NCOA3: variants seen among roughly 807,000 people sequenced by gnomAD.
NCOA3 encodes CBP-interacting protein.
Under a neutral mutation model 158.8 loss-of-function variants are expected in NCOA3, and 51 were observed. The observed-to-expected ratio is 0.32, with a 90% CI of 0.26 to 0.41. The LOEUF is 0.41. Ranked by LOEUF, NCOA3 falls within the 10% of genes least tolerant of loss-of-function variation. The pLI, the probability that NCOA3 is intolerant of heterozygous loss-of-function variation, is 1.00. For synonymous variants in NCOA3, 537 were observed against 592.4 expected, an observed-to-expected ratio of 0.91 and a Z score of 1.36; for missense variants, 1,510 against 1,746.6, an observed-to-expected ratio of 0.86 and a Z score of 2.41.
intron 20 of NCOA3, 90 bp from the exon 21 acceptor site, chr20:47,652,316 T>TA: frequency 1.6e-6 from 2 of 1,248,176 alleles, no homozygotes; most frequent in Admixed American, 2.3e-5. Flanking sequence ...CCCACCTCCT[T>TA]TAAAAAAAAA....
chr20:47,551,938 TG>T (rs1202268709), intron 1 of NCOA3, among the ~76,000 whole-genome samples: 2 of 152,230 alleles, frequency 1.3e-5, no homozygotes, highest in African/African-American at 2.4e-5. Context: ...ATTTTACTGT[TG>T]TTTTTTGGGC....
intron 21 of NCOA3, 118 bp from the exon 22 acceptor site, chr20:47,652,813 T>G (rs1160675742): frequency 2.4e-6 from 3 of 1,252,986 alleles, no homozygotes; most frequent in Non-Finnish European, 3.4e-6. Context: ...GGGAGTTTTC[T>G]CTAACATTCC....
At chr20:47,566,175 G>T (rs1374348657) in intron 1 of NCOA3, among the ~76,000 whole-genome samples, 3 of 151,872 alleles carry the variant, frequency 2.0e-5, no homozygotes, top group Non-Finnish European at 4.4e-5. Flanking sequence ...CACCTGCCTC[G>T]GCCTCCCAAA....
At chr20:47,514,184 T>G (rs1209197717) in intron 1 of NCOA3, among the ~76,000 whole-genome samples, 1 of 151,714 alleles carries the variant, frequency 6.6e-6, no homozygotes, top group Non-Finnish European at 1.5e-5. Context: ...TCAGAAGATT[T>G]TATTTTTTTA....
At position 47,653,396 on chromosome 20, in the gene NCOA3, T is replaced by G; in HGVS notation, c.4264-10T>G. 10 of 1,561,204 alleles carry G rather than the reference T, an allele frequency of 6.4e-6. No individual in the cohort carries two copies. Among genetic ancestry groups the G allele is most frequent in the Non-Finnish European group, 8.7e-6 (10 of 1,146,586 alleles). On this transcript the variant is annotated splice_polypyrimidine_tract_variant and intron_variant, in intron 22 of 22. Coordinates refer to ENST00000371998, the MANE Select transcript of NCOA3 (RefSeq NM_181659.3). ...TTTTTTTTTTTTTTTTTTTTCCTGG[T>G]TGCTGACAGAAATACTGCTGACATC...
intron 1 of NCOA3, among the ~76,000 whole-genome samples, chr20:47,579,596 A>G (rs1336775080): frequency 1.3e-5 from 2 of 152,242 alleles, no homozygotes; most frequent in Non-Finnish European, 2.9e-5. Flanking sequence ...CCTGGTATAT[A>G]GTAGTACTCC....
At position 47,651,289 on chromosome 20, in the gene NCOA3, A is replaced by G. The variant is rs1354922164; in HGVS notation, c.3946+13A>G. 1.9e-6 allele frequency: 3 copies of G among 1,590,662 alleles called. No homozygotes were observed. The highest frequency in any genetic ancestry group is 2.2e-5 in the East Asian group (1 of 44,492). Reference sequence around the variant, plus strand: ...CAACCAAATTATGGTAAATCTGACAATGAAAATGTGCCTTCCCCAAGTTAA... The same window carrying G: ...CAACCAAATTATGGTAAATCTGACAGTGAAAATGTGCCTTCCCCAAGTTAA... On this transcript the variant is annotated intron_variant, in intron 20 of 22. Coordinates refer to ENST00000371998, the MANE Select transcript of NCOA3 (RefSeq NM_181659.3).
At chr20:47,629,973 T>C (rs1183478349) in intron 8 of NCOA3, among the ~76,000 whole-genome samples, 1 of 152,218 alleles carries the variant, frequency 6.6e-6, no homozygotes, top group Non-Finnish European at 1.5e-5. Context: ...AAAGATCAAA[T>C]GCTTTGTGTG....
At chr20:47,570,459 T>C (rs191914707) in intron 1 of NCOA3, among the ~76,000 whole-genome samples, 93 of 152,168 alleles carry the variant, frequency 6.1e-4, no homozygotes, top group Non-Finnish European at 1.0e-3. Context: ...AGGGAGCAAC[T>C]CCTCAAACTC....
At chr20:47,588,216 C>CA (rs2085568579) in intron 2 of NCOA3, among the ~76,000 whole-genome samples, 3 of 139,166 alleles carry the variant, frequency 2.2e-5, no homozygotes, top group African/African-American at 8.1e-5. Flanking sequence ...CTCACTGCAA[C>CA]CTCTGCCTTC....
Position 47,622,303 on chromosome 20 carries a change from A to G in NCOA3, c.56A>G (p.Lys19Arg), listed in dbSNP as rs202115551. Residue 19 changes from lysine to arginine, a missense_variant, in exon 3 of 23, where the codon AAA becomes AGA. Around this residue, in one of 4 missense-constraint regions of NCOA3, gnomAD observed 309 missense variants for 427.1 expected, o/e 0.72. Coordinates refer to ENST00000371998, the MANE Select transcript of NCOA3 (RefSeq NM_181659.3). ...DPLASDSRKR[K>R]LPCDTPGQGL... ...CTGGCCAGTGATTCACGAAAACGCA[A>G]ATTGCCATGTGATACTCCAGGACAA... The G allele has an allele frequency of 6.0e-5, 96 of 1,606,878 alleles. 1 individual carries two copies. In the East Asian group the frequency reaches 1.2e-3, roughly 21 times the overall value.
intron 1 of NCOA3, among the ~76,000 whole-genome samples, chr20:47,543,307 A>C (rs1283142247): frequency 1.3e-5 from 2 of 152,020 alleles, no homozygotes; most frequent in African/African-American, 4.8e-5. Flanking sequence ...ACCAACTTTG[A>C]TACAGTATGG....
intron 2 of NCOA3, among the ~76,000 whole-genome samples, chr20:47,597,936 A>G (rs2085789198): frequency 6.6e-6 from 1 of 151,908 alleles, no homozygotes; most frequent in African/African-American, 2.4e-5. Flanking sequence ...AGATTTTTAG[A>G]ATAAATGTTT....
intron 1 of NCOA3, among the ~76,000 whole-genome samples, chr20:47,524,997 G>C (rs1391490203): frequency 6.7e-6 from 1 of 150,268 alleles, no homozygotes; most frequent in Non-Finnish European, 1.5e-5. Context: ...ATTTGGCAGG[G>C]TCACAGGACA....
intron 1 of NCOA3, among the ~76,000 whole-genome samples, chr20:47,540,439 G>A (rs1227552084): frequency 2.6e-5 from 4 of 151,954 alleles, no homozygotes; most frequent in Non-Finnish European, 4.4e-5. Flanking sequence ...TGGGCATGGT[G>A]GTGGGTGCCT....
At chr20:47,511,526 T>TAC (rs2084131883) in intron 1 of NCOA3, among the ~76,000 whole-genome samples, 1 of 5,252 alleles carries the variant, frequency 1.9e-4, no homozygotes, top group African/African-American at 2.1e-4. Context: ...TCTCTCGAGA[T>TAC]ATATATATAT....
intron 2 of NCOA3, among the ~76,000 whole-genome samples, chr20:47,586,057 T>G (rs2085530984): frequency 6.6e-6 from 1 of 151,806 alleles, no homozygotes; most frequent in South Asian, 2.1e-4. Flanking sequence ...GTAGCTGGGA[T>G]TACAGGCACG....
At chr20:47,600,749 C>G (rs2085847580) in intron 2 of NCOA3, among the ~76,000 whole-genome samples, 1 of 144,444 alleles carries the variant, frequency 6.9e-6, no homozygotes, top group African/African-American at 2.6e-5. Context: ...CTCCTGGGCT[C>G]AAGCTATCTG....
intron 1 of NCOA3, among the ~76,000 whole-genome samples, chr20:47,518,768 T>G (rs1380331130): frequency 6.6e-6 from 1 of 152,072 alleles, no homozygotes; most frequent in East Asian, 1.9e-4. Flanking sequence ...CTCCTTACCT[T>G]CAAGAAATAG....
Sources: gnomAD v4.1 joint callset for allele counts (sites outside exome capture counted in the v4.1 genomes callset) on GRCh38, gnomAD v4.1.1 for gene constraint, gnomAD v4.1.1 regional missense constraint, MANE v1.5 for transcripts, NCBI Gene and HGNC (gene_info 2026-07-23, HGNC 2026-07-21) for gene names.